Variants in TMTC4 observed in about 807,000 individuals in gnomAD.
TMTC4 encodes the protein protein O-mannosyl-transferase TMTC4.
A neutral mutation model predicts 86.0 loss-of-function variants in TMTC4; 65 were observed. The observed-to-expected ratio is 0.76, with a 90% CI of 0.62 to 0.93. TMTC4 has a LOEUF of 0.93. Ranked by LOEUF, TMTC4 falls within the 40% of genes least tolerant of loss-of-function variation. The probability of loss-of-function intolerance (pLI) is 0.00; values close to 1 mark genes in which losing one functional copy is unlikely to be tolerated. For missense variants in TMTC4, 866 were observed against 948.1 expected (o/e 0.91, Z 1.14); for synonymous variants, 379 against 382.5 (o/e 0.99, Z 0.11).
Position 100,665,913 on chromosome 13 carries a change from G to A in TMTC4, c.220-1577C>T, listed in dbSNP as rs1886342345. On this transcript the variant is annotated intron_variant, in intron 3 of 18. Coordinates refer to ENST00000342624, the MANE Select transcript of TMTC4 (RefSeq NM_032813.5). ...AAGAGCAGGTTAGAGATTCTGTGAA[G>A]GTCATGTGAGGCACCTGCTCCCTTC... 4 of 424,738 alleles carry A rather than the reference G, an allele frequency of 9.4e-6. No individual in the cohort carries two copies. The Admixed American group carries it at 1.0e-4, about 11-fold the overall frequency. 26.3% of individuals were successfully genotyped at this position (424,738 alleles called of 1,614,324 possible).
intron 5 of TMTC4, 73 bp from the exon 6 acceptor site, chr13:100,656,541 A>AATTTTTTTTTTTTTTTTTT (rs1566630250): frequency 6.5e-6 from 3 of 463,046 alleles, no homozygotes; most frequent in Non-Finnish European, 9.8e-6. Context: ...AGGAGACATA[A>AATTTTTTTTTTTTTTTTTT]CTTTTTTTTT....
intron 7 of TMTC4, chr13:100,638,331 T>G: frequency 1.2e-5 from 3 of 241,786 alleles, no homozygotes; most frequent in African/African-American, 2.2e-5. Context: ...CCTCGAGAGA[T>G]ACCCCCTCCC....
intron 3 of TMTC4, among the ~76,000 whole-genome samples, chr13:100,667,240 C>A (rs1232556676): frequency 6.6e-6 from 1 of 152,178 alleles, no homozygotes; most frequent in African/African-American, 2.4e-5. Flanking sequence ...CAAGACCAGC[C>A]TGGCCAACAT....
chr13:100,606,521 C>T (rs1876624568), intron 17 of TMTC4, 94 bp from the exon 18 acceptor site: 1 of 1,005,156 alleles, frequency 9.9e-7, no homozygotes, highest in African/African-American at 1.6e-5. Flanking sequence ...AAACTTTTAA[C>T]CTCCTCCTTT....
intron 6 of TMTC4, among the ~76,000 whole-genome samples, chr13:100,650,091 A>G (rs1406046262): frequency 6.6e-6 from 1 of 152,150 alleles, no homozygotes; most frequent in African/African-American, 2.4e-5. Flanking sequence ...GGAAAAAAAA[A>G]AACAAAAACC....
At chr13:100,630,047 G>C (rs1046957007) in intron 12 of TMTC4, among the ~76,000 whole-genome samples, 1 of 151,350 alleles carries the variant, frequency 6.6e-6, no homozygotes, top group Non-Finnish European at 1.5e-5. Context: ...GTGTGTGTGT[G>C]TGTGTGTGTG....
rs770875848 is a variant in TMTC4, at chr13:100,646,805, CACA to C, written c.641-4497_641-4495del. On this transcript the variant is annotated intron_variant, in intron 6 of 18. Coordinates refer to ENST00000342624, the MANE Select transcript of TMTC4 (RefSeq NM_032813.5). ...ATGTCAAAAGATCACAATAAGGAGCCACAACAACAACAAAACCCTGTTAAATTA... is the reference window on the plus strand; with the variant it reads ...ATGTCAAAAGATCACAATAAGGAGCCACAACAACAAAACCCTGTTAAATTA... Among the ~76,000 whole-genome samples, 10 of 152,194 alleles carry C rather than the reference CACA, an allele frequency of 6.6e-5. No individual in the cohort carries two copies. The East Asian group carries it at 7.7e-4, about 12-fold the overall frequency.
chr13:100,674,744 C>G lies in TMTC4; in HGVS notation c.-208G>C, dbSNP rs1317800475. Reference sequence around the variant, plus strand: ...CTGCAGGGGCCGCCCCGCGCGTTACCTGCAAGGAGCCTGAGCCCCGGCCGC... The same window carrying G: ...CTGCAGGGGCCGCCCCGCGCGTTACGTGCAAGGAGCCTGAGCCCCGGCCGC... On this transcript the variant is annotated splice_region_variant and 5_prime_UTR_variant, in exon 1 of 19. Transcript: ENST00000342624. 1.0e-6 allele frequency: 1 copy of G among 983,656 alleles called. No homozygotes were observed. Among genetic ancestry groups the G allele is most frequent in the Non-Finnish European group, 1.2e-6 (1 of 829,272 alleles). 60.9% of individuals were successfully genotyped at this position (983,656 alleles called of 1,614,324 possible). A position where few individuals can be genotyped will look rare whatever the true frequency, so the allele number is the denominator to read the frequency against.
intron 6 of TMTC4, 97 bp from the exon 7 acceptor site, chr13:100,642,408 C>T (rs1359432006): frequency 2.9e-6 from 4 of 1,368,648 alleles, no homozygotes; most frequent in Admixed American, 3.6e-5. Flanking sequence ...CCTTAAACAA[C>T]CATAACTTAA....
intron 5 of TMTC4, among the ~76,000 whole-genome samples, chr13:100,658,149 C>T (rs542515019): frequency 9.2e-5 from 14 of 152,324 alleles, no homozygotes; most frequent in African/African-American, 3.1e-4. Flanking sequence ...AAACTCACTC[C>T]ATCAGGGACA....
chr13:100,645,883 A>G (rs930696028), intron 6 of TMTC4, among the ~76,000 whole-genome samples: 2 of 152,136 alleles, frequency 1.3e-5, no homozygotes, highest in Non-Finnish European at 2.9e-5. Context: ...CAGTACCCTC[A>G]GCTTCTACTC....
At chr13:100,619,080 C>G (rs1187600123) in intron 15 of TMTC4, among the ~76,000 whole-genome samples, 1 of 145,900 alleles carries the variant, frequency 6.9e-6, no homozygotes, top group Non-Finnish European at 1.5e-5. Flanking sequence ...GGCAGAGGCG[C>G]CCCTCACCTC....
At chr13:100,667,224 G>C (rs1295727535) in intron 3 of TMTC4, among the ~76,000 whole-genome samples, 1 of 152,154 alleles carries the variant, frequency 6.6e-6, no homozygotes, top group Non-Finnish European at 1.5e-5. Context: ...TCTGAGGTCA[G>C]GAGTTCAAGA....
Position 100,664,313 on chromosome 13 carries a change from CA to C in TMTC4, c.242del (p.Leu81ArgfsTer14), listed in dbSNP as rs748434369. ...NNKDLQAETP[L>X]GDLWHHDFWG... ...AGAAGTCATGATGCCACAGGTCCCC[CA>C]GGGGCGTTTCTGCTTGGAGGTCCTG... On this transcript the variant is annotated frameshift_variant, in exon 4 of 19. Transcript: ENST00000342624. LOFTEE classifies it high-confidence loss of function. The C allele has an allele frequency of 4.3e-6, 7 of 1,610,488 alleles. No individual in the cohort carries two copies. The South Asian group carries it at 4.4e-5, about 10-fold the overall frequency.
chr13:100,632,432 T>A (rs1881573532), intron 12 of TMTC4, among the ~76,000 whole-genome samples: 1 of 152,208 alleles, frequency 6.6e-6, no homozygotes, highest in South Asian at 2.1e-4. Context: ...GAACTCCTTG[T>A]GGTGAGGAAC....
intron 12 of TMTC4, among the ~76,000 whole-genome samples, chr13:100,629,355 G>A (rs1881002248): frequency 1.3e-5 from 2 of 152,104 alleles, no homozygotes; most frequent in African/African-American, 4.8e-5. Flanking sequence ...CACACCTTGA[G>A]TGGCACCCAC....
At position 100,625,627 on chromosome 13, in the gene TMTC4, G is replaced by C. The variant is rs1205528782; in HGVS notation, c.1744C>G (p.Leu582Val). Residue 582 changes from leucine (L) to valine (V), a missense_variant, in exon 15 of 19, where the codon CTG becomes GTG. Leu to Val is a conservative substitution (Grantham distance 32, BLOSUM62 1). Coordinates refer to ENST00000342624, the MANE Select transcript of TMTC4 (RefSeq NM_032813.5). ...TGCTCTGCTGCTTCAAACCGTTTCAGGCTATTCTGCACTATGCCTAGATTC... is the reference window on the plus strand; with the variant it reads ...TGCTCTGCTGCTTCAAACCGTTTCACGCTATTCTGCACTATGCCTAGATTC... ...WMNLGIVQNS[L>V]KRFEAAEQSY... is the part of the protein sequence containing the mutation. 2.5e-6 allele frequency: 4 copies of C among 1,614,060 alleles called. No individual in the cohort carries two copies. Among genetic ancestry groups the C allele is most frequent in the Non-Finnish European group, 3.4e-6 (4 of 1,180,052 alleles).
intron 15 of TMTC4, among the ~76,000 whole-genome samples, chr13:100,621,671 C>T (rs546763812): frequency 1.2e-4 from 18 of 152,306 alleles, no homozygotes; most frequent in Admixed American, 2.0e-4. Flanking sequence ...GTGATCCACT[C>T]GCCTCGGCCT....
intron 6 of TMTC4, among the ~76,000 whole-genome samples, chr13:100,649,509 G>T (rs537862286): frequency 3.0e-4 from 46 of 152,154 alleles, no homozygotes; most frequent in African/African-American, 1.1e-3. Context: ...GGTAATAGTA[G>T]GCCACTTTGC....
Sources: allele counts gnomAD v4.1 joint callset (sites outside exome capture counted in the v4.1 genomes callset), GRCh38; gene constraint gnomAD v4.1.1; transcripts MANE v1.5; gene names NCBI Gene and HGNC (gene_info 2026-07-23, HGNC 2026-07-21).